Variants in ZNF608 observed in about 807,000 individuals in gnomAD.
ZNF608 encodes the protein renal carcinoma antigen NY-REN-36.
ZNF608 carries 12 observed loss-of-function variants against 109.0 expected under a neutral mutation model. That is an observed-to-expected ratio of 0.11 (90% CI 0.07 to 0.18). ZNF608 has a LOEUF of 0.18. ZNF608 is among the 10% of genes least tolerant of loss of function. ZNF608 has a pLI of 1.00. For synonymous variants in ZNF608, 732 were observed against 717.4 expected (o/e 1.02, Z -0.33); for missense variants, 1,707 against 1,879.3 (o/e 0.91, Z 1.70).
chr5:124,666,069 T>C (rs1751466429), intron 3 of ZNF608, among the ~76,000 whole-genome samples: 1 of 152,206 alleles, frequency 6.6e-6, no homozygotes, highest in South Asian at 2.1e-4. Flanking sequence ...CAAAGGGAAA[T>C]AGACAATGAA....
intron 3 of ZNF608, among the ~76,000 whole-genome samples, chr5:124,650,436 C>T (rs207466386): frequency 3.9e-5 from 6 of 152,186 alleles, no homozygotes; most frequent in African/African-American, 7.2e-5. Context: ...AACTTTGGTA[C>T]GCATTTGCCT....
chr5:124,711,474 GACTATTATTTCA>G (rs1399773372), intron 2 of ZNF608, among the ~76,000 whole-genome samples: 1 of 152,240 alleles, frequency 6.6e-6, no homozygotes, highest in Non-Finnish European at 1.5e-5. Context: ...GATGCTTGAA[GACTATTATTTCA>G]ACTCCTCATG....
intron 2 of ZNF608, among the ~76,000 whole-genome samples, chr5:124,738,979 A>G (rs1277196924): frequency 6.6e-6 from 1 of 152,344 alleles, no homozygotes. Flanking sequence ...TAGTAGATTT[A>G]TGATTTAAGT....
intron 3 of ZNF608, among the ~76,000 whole-genome samples, chr5:124,667,542 G>C (rs932325496): frequency 6.6e-6 from 1 of 152,166 alleles, no homozygotes; most frequent in South Asian, 2.1e-4. Context: ...CAGGGTCTTC[G>C]ATGTTGAAAT....
At chr5:124,712,102 G>A (rs1325933554) in intron 2 of ZNF608, among the ~76,000 whole-genome samples, 2 of 152,002 alleles carry the variant, frequency 1.3e-5, no homozygotes, top group South Asian at 2.1e-4. Flanking sequence ...AGCTGAGATC[G>A]CACCATTGCA....
chr5:124,725,100 C>CG (rs945359679), intron 2 of ZNF608, among the ~76,000 whole-genome samples: 2 of 152,014 alleles, frequency 1.3e-5, no homozygotes, highest in Non-Finnish European at 2.9e-5. Context: ...CCTCGACCCC[C>CG]GGGGGGATTG....
At chr5:124,716,768 A>G (rs1753721030) in intron 2 of ZNF608, among the ~76,000 whole-genome samples, 1 of 152,228 alleles carries the variant, frequency 6.6e-6, no homozygotes, top group Admixed American at 6.5e-5. Context: ...GTCACAGAAC[A>G]TAATTTTATT....
chr5:124,638,410 C>A (rs569222706), intron 9 of ZNF608, among the ~76,000 whole-genome samples: 2 of 152,206 alleles, frequency 1.3e-5, no homozygotes, highest in South Asian at 4.2e-4. Context: ...ACGCACACCA[C>A]CACGCCCAGC....
chr5:124,638,541 G>A (rs999374707), intron 9 of ZNF608, among the ~76,000 whole-genome samples: 1 of 152,196 alleles, frequency 6.6e-6, no homozygotes, highest in African/African-American at 2.4e-5. Context: ...ACAGGCATGG[G>A]CCATCATGCC....
intron 2 of ZNF608, among the ~76,000 whole-genome samples, chr5:124,705,084 A>G (rs145929826): frequency 1.3e-5 from 2 of 152,318 alleles, no homozygotes; most frequent in East Asian, 3.9e-4. Flanking sequence ...TCATATGTAA[A>G]GGAGGATTTT....
Position 124,646,894 on chromosome 5 carries a change from T to C in ZNF608, c.3490A>G (p.Lys1164Glu). 6.2e-7 allele frequency: 1 copy of C among 1,614,214 alleles called. No homozygotes were observed. Among genetic ancestry groups the C allele is most frequent in the Non-Finnish European group, 8.5e-7 (1 of 1,180,022 alleles). The stretch of plus-strand genomic sequence containing the variant: ...GATGGCCCTAGTTTAGAATGGTTTT[T>C]GTTAGGCTCCGGAGTAGAGGGAGCT... The part of the protein sequence containing the change: ...SKAPSTPEPN[K>E]NHSKLGPSVP... The change falls in exon 5 of 10, where the codon AAA (lysine) becomes GAA (glutamate). Residue 1164 changes from lysine to glutamate, a missense_variant. By Grantham distance (56) the Lys-to-Glu change is moderately conservative. Transcript: ENST00000513986.
rs189625874 is a variant in ZNF608, at chr5:124,689,813, G to A, written c.1162+11201C>T. ...TGCCACTTTTCCAAAAAACAGTCTG[G>A]CAGGTTCTTACAAAACTAAACATAC... is the stretch of plus-strand genomic sequence containing the variant. On this transcript the variant is annotated intron_variant, in intron 3 of 9. Transcript: ENST00000513986. Among the ~76,000 whole-genome samples, 24 of 152,294 alleles carry A rather than the reference G, an allele frequency of 1.6e-4. No individual in the cohort carries two copies. In the East Asian group the frequency reaches 3.3e-3, roughly 21 times the overall value.
chr5:124,730,581 A>G (rs964220792), intron 2 of ZNF608, among the ~76,000 whole-genome samples: 1 of 152,230 alleles, frequency 6.6e-6, no homozygotes, highest in African/African-American at 2.4e-5. Context: ...GTTTCAAAGG[A>G]GACTTTAAGC....
intron 3 of ZNF608, among the ~76,000 whole-genome samples, chr5:124,686,385 T>C (rs907922345): frequency 6.6e-6 from 1 of 152,200 alleles, no homozygotes; most frequent in Admixed American, 6.5e-5. Flanking sequence ...CCTCCTAATG[T>C]GTCTGCCCTT....
chr5:124,686,152 G>A (rs1172509187), intron 3 of ZNF608, among the ~76,000 whole-genome samples: 1 of 152,204 alleles, frequency 6.6e-6, no homozygotes, highest in Non-Finnish European at 1.5e-5. Flanking sequence ...CTCTCCTTCT[G>A]AATCGTGGAA....
chr5:124,639,639 C>T (rs1750146942), intron 8 of ZNF608, among the ~76,000 whole-genome samples: 1 of 152,218 alleles, frequency 6.6e-6, no homozygotes, highest in Non-Finnish European at 1.5e-5. Context: ...TCCCCAGTGA[C>T]TGAACACAAT....
At chr5:124,642,272 G>C (rs1228386966) in intron 7 of ZNF608, among the ~76,000 whole-genome samples, 1 of 152,156 alleles carries the variant, frequency 6.6e-6, no homozygotes, top group Admixed American at 6.5e-5. Context: ...TTTTGGGGAA[G>C]AGCCATCTTT....
At position 124,744,321 on chromosome 5, in the gene ZNF608, A is replaced by G; in HGVS notation, c.669T>C (p.Asn223=). The change falls in exon 2 of 10, where the codon AAT becomes AAC. Residue 223 remains asparagine, a synonymous_variant. Transcript: ENST00000513986. The surrounding 1 kb of genome is among the most constrained non-coding windows in gnomAD (Gnocchi z 4.5). ...DKHDLLQGHQ[N]GSGSQAPSGG... The stretch of plus-strand genomic sequence containing the variant: ...CGGAAGGGGCCTGGCTGCCACTGCC[A>G]TTCTGGTGGCCCTGAAGCAGGTCGT... 6.2e-7 allele frequency: 1 copy of G among 1,614,178 alleles called. No individual in the cohort carries two copies. Among genetic ancestry groups the G allele is most frequent in the Non-Finnish European group, 8.5e-7 (1 of 1,180,042 alleles).
intron 6 of ZNF608, 81 bp downstream of exon 6, chr5:124,644,163 C>G: frequency 7.7e-7 from 1 of 1,291,374 alleles, no homozygotes; most frequent in Non-Finnish European, 1.1e-6. Context: ...CTTGAAGCTT[C>G]TAATTTATCT....
Sources: allele counts gnomAD v4.1 joint callset (sites outside exome capture counted in the v4.1 genomes callset), GRCh38; gene constraint gnomAD v4.1.1; non-coding constraint Gnocchi (gnomAD v3.1); transcripts MANE v1.5; gene names NCBI Gene and HGNC (gene_info 2026-07-23, HGNC 2026-07-21).